Variants in LMF1 observed in about 807,000 individuals in gnomAD.
LMF1 encodes transmembrane protein 112.
A neutral mutation model predicts 60.6 loss-of-function variants in LMF1; 68 were observed. That is an observed-to-expected ratio of 1.12 (90% CI 0.92 to 1.37). The LOEUF (loss-of-function observed/expected upper bound fraction) is 1.37, where lower values mean the gene tolerates loss of function less well. LMF1 is among the 40% of genes most tolerant of loss of function. LMF1 has a pLI of 0.00. For missense variants in LMF1, 948 were observed against 767.2 expected, an observed-to-expected ratio of 1.24 and a Z score of -2.78; for synonymous variants, 418 against 324.7, an observed-to-expected ratio of 1.29 and a Z score of -3.09.
At chr16:866,985 C>G (rs1297276557) in intron 10 of LMF1, among the ~76,000 whole-genome samples, 1 of 152,172 alleles carries the variant, frequency 6.6e-6, no homozygotes, top group Non-Finnish European at 1.5e-5. Flanking sequence ...GTCCAGGGAT[C>G]TTGGTTGCAC....
At chr16:887,875 A>G (rs1480907537) in intron 5 of LMF1, among the ~76,000 whole-genome samples, 1 of 151,990 alleles carries the variant, frequency 6.6e-6, no homozygotes, top group Non-Finnish European at 1.5e-5. Context: ...CCAGAGACGC[A>G]CCCCCAAGTT....
chr16:931,468 C>A (rs1265862019), intron 3 of LMF1, among the ~76,000 whole-genome samples: 1 of 152,246 alleles, frequency 6.6e-6, no homozygotes, highest in East Asian at 1.9e-4. Context: ...GAGATGGACA[C>A]AGACGCACAC....
At chr16:954,992 T>G (rs1371210247) in intron 1 of LMF1, among the ~76,000 whole-genome samples, 1 of 142,144 alleles carries the variant, frequency 7.0e-6, no homozygotes, top group Non-Finnish European at 1.5e-5. Context: ...ACCAGACACG[T>G]TACATAAAAT....
intron 1 of LMF1, among the ~76,000 whole-genome samples, chr16:960,602 C>T (rs554387115): frequency 4.1e-4 from 29 of 70,428 alleles, no homozygotes; most frequent in African/African-American, 1.4e-3. Flanking sequence ...CACAGACTCA[C>T]GGTGACAACA....
chr16:963,872 C>T (rs1402852135), intron 1 of LMF1, among the ~76,000 whole-genome samples: 1 of 149,242 alleles, frequency 6.7e-6, no homozygotes, highest in African/African-American at 2.4e-5. Flanking sequence ...TCAACCTCTA[C>T]TCATGTTATA....
chr16:908,844 C>G (rs980254999), intron 4 of LMF1, among the ~76,000 whole-genome samples: 2 of 152,248 alleles, frequency 1.3e-5, no homozygotes, highest in African/African-American at 2.4e-5. Context: ...TATGCAGTGA[C>G]ATTGCGGACG....
chr16:861,340 TATTA>T (rs1193429834), intron 10 of LMF1, among the ~76,000 whole-genome samples: 3 of 150,220 alleles, frequency 2.0e-5, no homozygotes, highest in Admixed American at 1.4e-4. Context: ...TGAACTCACT[TATTA>T]ATTTTCTTTC....
At chr16:877,855 G>C (rs572107246) in intron 6 of LMF1, among the ~76,000 whole-genome samples, 191 of 152,286 alleles carry the variant, frequency 1.3e-3, no homozygotes, top group African/African-American at 4.4e-3. Context: ...GGTTGTCTGA[G>C]AAAGGTCAAG....
chr16:952,264 AC>A (rs1277797370), intron 2 of LMF1, among the ~76,000 whole-genome samples: 2 of 149,560 alleles, frequency 1.3e-5, no homozygotes, highest in African/African-American at 2.5e-5. Flanking sequence ...CACAGTGGGG[AC>A]CCCCCTTACA....
intron 1 of LMF1, chr16:980,097 C>CT (rs2073302840): frequency 3.5e-6 from 1 of 288,064 alleles, no homozygotes; most frequent in Non-Finnish European, 6.9e-6. Flanking sequence ...AACTCGCGCA[C>CT]TCCGTCTCCC....
intron 3 of LMF1, among the ~76,000 whole-genome samples, chr16:930,309 C>T (rs1414435543): frequency 1.3e-5 from 2 of 152,208 alleles, no homozygotes; most frequent in African/African-American, 2.4e-5. Flanking sequence ...CAGCAGCAGG[C>T]GAGCTCGCTG....
rs781680266 is a variant in LMF1 at position 871,260 on chromosome 16, T to C, written c.979A>G (p.Thr327Ala). The C allele has an allele frequency of 1.2e-6, 2 of 1,612,364 alleles. No homozygotes were observed. Among genetic ancestry groups the C allele is most frequent in the Admixed American group, 3.3e-5 (2 of 59,988 alleles). ...CCAGAGGGGAACAAGAATCCCAGGG[T>C]GGCGTCATCAAAGCAGGCCAGGCTG... ...VPSLACFDDA[T>A]LGFLFPSGPG... is the part of the protein sequence containing the mutation. The change falls in exon 7 of 11, where the codon ACC (threonine) becomes GCC (alanine). Residue 327 changes from threonine to alanine, a missense_variant. Thr to Ala is a moderately conservative substitution (Grantham distance 58). Coordinates refer to ENST00000262301, the MANE Select transcript of LMF1 (RefSeq NM_022773.4).
chr16:970,751 G>A (rs747914349), intron 1 of LMF1, 37 bp downstream of exon 1: 2 of 1,491,972 alleles, frequency 1.3e-6, no homozygotes, highest in South Asian at 1.3e-5. Context: ...GCGCGGAGGT[G>A]ACACTGGCGG....
intron 3 of LMF1, among the ~76,000 whole-genome samples, chr16:917,217 G>A (rs2071302243): frequency 6.6e-6 from 1 of 152,242 alleles, no homozygotes; most frequent in East Asian, 1.9e-4. Flanking sequence ...AAGCACATGG[G>A]CAACACACAG....
intron 4 of LMF1, chr16:900,732 T>TGTGTGTGTGTGTGTGTG (rs2070790147): frequency 6.8e-6 from 1 of 146,942 alleles, no homozygotes; most frequent in Admixed American, 6.9e-5. Flanking sequence ...TGTGTGTGTG[T>TGTGTGTGTGTGTGTGTG]TTTAGTACAG....
Position 853,681 on chromosome 16 carries a change from T to G in LMF1, c.*851A>C, listed in dbSNP as rs976617327. ...GTATAATAGGAATAGTAGAAGAATA[T>G]GCCATAGCTATGGCTCAAGAATAGG... is the stretch of plus-strand genomic sequence containing the variant. On this transcript the variant is annotated 3_prime_UTR_variant, in exon 11 of 11. Transcript: ENST00000262301. 1 of 454,096 alleles carries G rather than the reference T, an allele frequency of 2.2e-6. No individual in the cohort carries two copies. The allele number at this position is 454,096 out of a possible 1,614,324, so 28.1% of individuals were successfully genotyped here.
intron 5 of LMF1, among the ~76,000 whole-genome samples, chr16:887,803 C>T (rs565969085): frequency 3.3e-5 from 5 of 152,224 alleles, no homozygotes; most frequent in East Asian, 3.9e-4. Flanking sequence ...CAGGCAGGGG[C>T]AGTGCTTCCG....
intron 3 of LMF1, among the ~76,000 whole-genome samples, chr16:918,019 G>A (rs1284621060): frequency 1.3e-5 from 2 of 152,248 alleles, no homozygotes; most frequent in African/African-American, 2.4e-5. Flanking sequence ...CTGGGGACAT[G>A]GCGTCGGGAC....
chr16:948,857 C>T (rs1186802692), intron 2 of LMF1, among the ~76,000 whole-genome samples: 2,010 of 55,490 alleles, frequency 0.036, 33 homozygotes, highest in African/African-American at 0.084. Flanking sequence ...ACAGAGTCAG[C>T]CAACGACAGA....
Sources: allele counts gnomAD v4.1 joint callset (sites outside exome capture counted in the v4.1 genomes callset), GRCh38; gene constraint gnomAD v4.1.1; transcripts MANE v1.5; gene names NCBI Gene and HGNC (gene_info 2026-07-23, HGNC 2026-07-21).